PDSS2: variants seen among roughly 807,000 people sequenced by gnomAD.
PDSS2 encodes all trans-polyprenyl-diphosphate synthase PDSS2.
A neutral mutation model predicts 44.5 loss-of-function variants in PDSS2; 31 were observed. That is an observed-to-expected ratio of 0.70 (90% CI 0.52 to 0.94). The LOEUF is 0.94. Ranked by LOEUF, PDSS2 falls within the 40% of genes least tolerant of loss-of-function variation. The probability of loss-of-function intolerance (pLI) is 0.00; values close to 1 mark genes in which losing one functional copy is unlikely to be tolerated. For missense variants in PDSS2, 452 were observed against 482.2 expected, an observed-to-expected ratio of 0.94 and a Z score of 0.59; for synonymous variants, 157 against 180.3, an observed-to-expected ratio of 0.87 and a Z score of 1.03.
At chr6:107,203,040 T>C (rs1328006533) in intron 6 of PDSS2, among the ~76,000 whole-genome samples, 2 of 152,088 alleles carry the variant, frequency 1.3e-5, no homozygotes, top group African/African-American at 4.8e-5. Context: ...TTGCACAGTG[T>C]GACCAGGAAA....
chr6:107,392,815 C>A (rs1779824897), intron 1 of PDSS2, among the ~76,000 whole-genome samples: 1 of 152,040 alleles, frequency 6.6e-6, no homozygotes. Flanking sequence ...GGATTGGCCC[C>A]AGAACAGTTA....
intron 7 of PDSS2, among the ~76,000 whole-genome samples, chr6:107,188,845 T>C (rs906810539): frequency 1.3e-5 from 2 of 152,222 alleles, no homozygotes; most frequent in Non-Finnish European, 2.9e-5. Flanking sequence ...TAACCAGAAG[T>C]AGATGTCAGC....
chr6:107,289,034 T>C (rs1445515851), intron 2 of PDSS2, among the ~76,000 whole-genome samples: 2 of 149,400 alleles, frequency 1.3e-5, no homozygotes, highest in African/African-American at 4.9e-5. Flanking sequence ...CCCAAAGTGC[T>C]GGGATTACAG....
chr6:107,443,069 G>C (rs1781558141), intron 1 of PDSS2, among the ~76,000 whole-genome samples: 1 of 152,190 alleles, frequency 6.6e-6, no homozygotes, highest in South Asian at 2.1e-4. Context: ...AGGGAGAGGA[G>C]GGATGTGGGT....
chr6:107,207,428 T>A (rs1773019639), intron 6 of PDSS2, among the ~76,000 whole-genome samples: 1 of 152,076 alleles, frequency 6.6e-6, no homozygotes, highest in African/African-American at 2.4e-5. Context: ...AGAACTAATT[T>A]CAGGATTAAT....
intron 1 of PDSS2, among the ~76,000 whole-genome samples, chr6:107,434,481 A>G (rs1164901003): frequency 1.3e-5 from 2 of 152,206 alleles, no homozygotes; most frequent in African/African-American, 4.8e-5. Context: ...GGAGGACATT[A>G]AGTGAAATAA....
chr6:107,236,467 CAA>C (rs373182358), intron 4 of PDSS2, among the ~76,000 whole-genome samples: 21 of 98,534 alleles, frequency 2.1e-4, no homozygotes, highest in East Asian at 3.6e-4. Flanking sequence ...GACTCTGTCT[CAA>C]AAAAAAAAAA....
At chr6:107,441,529 T>A (rs929144864) in intron 1 of PDSS2, among the ~76,000 whole-genome samples, 2 of 152,202 alleles carry the variant, frequency 1.3e-5, no homozygotes, top group African/African-American at 4.8e-5. Context: ...GGTTGAAGAA[T>A]GTAAGAATTA....
At chr6:107,367,198 CT>C (rs972104984) in intron 1 of PDSS2, among the ~76,000 whole-genome samples, 1 of 152,098 alleles carries the variant, frequency 6.6e-6, no homozygotes, top group African/African-American at 2.4e-5. Context: ...TGTAGGCTGA[CT>C]TTTAAGATCA....
At chr6:107,406,559 T>C (rs1225042813) in intron 1 of PDSS2, among the ~76,000 whole-genome samples, 1 of 152,248 alleles carries the variant, frequency 6.6e-6, no homozygotes, top group African/African-American at 2.4e-5. Flanking sequence ...ATAAAAAGTA[T>C]GTTTTGAATG....
intron 1 of PDSS2, among the ~76,000 whole-genome samples, chr6:107,447,067 C>T (rs976475071): frequency 6.6e-6 from 1 of 152,158 alleles, no homozygotes; most frequent in African/African-American, 2.4e-5. Flanking sequence ...GGCGCAGTGG[C>T]TCACGCCTGT....
chr6:107,443,461 T>C (rs1781569591), intron 1 of PDSS2, among the ~76,000 whole-genome samples: 1 of 152,240 alleles, frequency 6.6e-6, no homozygotes. Flanking sequence ...ATATATTCAT[T>C]TACGCTGAAT....
At chr6:107,253,921 G>C (rs1774912230) in intron 3 of PDSS2, among the ~76,000 whole-genome samples, 1 of 152,084 alleles carries the variant, frequency 6.6e-6, no homozygotes, top group Non-Finnish European at 1.5e-5. Flanking sequence ...CCAACACTTT[G>C]TGAGGCCAAG....
intron 1 of PDSS2, among the ~76,000 whole-genome samples, chr6:107,365,491 C>T (rs1241172200): frequency 6.6e-6 from 1 of 151,902 alleles, no homozygotes; most frequent in Non-Finnish European, 1.5e-5. Flanking sequence ...AAATAATTAG[C>T]AAAATCAGAC....
intron 1 of PDSS2, among the ~76,000 whole-genome samples, chr6:107,398,092 C>A (rs1780003030): frequency 6.6e-6 from 1 of 152,154 alleles, no homozygotes; most frequent in Non-Finnish European, 1.5e-5. Context: ...GAAACTACCA[C>A]CTGTCAAATT....
intron 1 of PDSS2, among the ~76,000 whole-genome samples, chr6:107,375,623 C>G (rs556811141): frequency 6.6e-6 from 1 of 152,288 alleles, no homozygotes; most frequent in Admixed American, 6.5e-5. Context: ...GCAGCTCTTT[C>G]AGAAAACAGA....
At chr6:107,283,005 T>A (rs1031669718) in intron 2 of PDSS2, among the ~76,000 whole-genome samples, 3 of 151,106 alleles carry the variant, frequency 2.0e-5, no homozygotes, top group Admixed American at 1.3e-4. Context: ...GAAACAGCTG[T>A]GAGCCACCGT....
At chr6:107,426,817 T>C (rs531204499) in intron 1 of PDSS2, among the ~76,000 whole-genome samples, 21 of 152,274 alleles carry the variant, frequency 1.4e-4, no homozygotes, top group African/African-American at 4.3e-4. Flanking sequence ...TTTGGCCAAT[T>C]TCTCCCATTT....
At chr6:107,159,367 G>A (rs542122243) in intron 7 of PDSS2, among the ~76,000 whole-genome samples, 1 of 150,130 alleles carries the variant, frequency 6.7e-6, no homozygotes, top group East Asian at 2.0e-4. Context: ...AAGGGAGGGA[G>A]GGAGGGAGGA....
Sources: gnomAD v4.1 joint callset for allele counts (sites outside exome capture counted in the v4.1 genomes callset) on GRCh38, gnomAD v4.1.1 for gene constraint, MANE v1.5 for transcripts, NCBI Gene and HGNC (gene_info 2026-07-23, HGNC 2026-07-21) for gene names.